The following MAP4K5 variants were observed in gnomAD, a reference collection of about 807,000 sequenced individuals.
MAP4K5 encodes the protein MAPK/ERK kinase kinase kinase 5.
A neutral mutation model predicts 135.6 loss-of-function variants in MAP4K5; 82 were observed. The observed-to-expected ratio is 0.60, with a 90% CI of 0.51 to 0.73. The LOEUF (loss-of-function observed/expected upper bound fraction) is 0.73. Ranked by LOEUF, MAP4K5 falls within the 30% of genes least tolerant of loss-of-function variation. The pLI, the probability that MAP4K5 is intolerant of heterozygous loss-of-function variation, is 0.00. For missense variants in MAP4K5, 907 were observed against 1,010.9 expected (o/e 0.90, Z 1.39); for synonymous variants, 347 against 335.0 (o/e 1.04, Z -0.39).
Position 50,476,249 on chromosome 14 carries a change from A to T in MAP4K5, c.426+10T>A, listed in dbSNP as rs564714463. On this transcript the variant is annotated intron_variant, in intron 7 of 32. Transcript: ENST00000682126. ...AGAATTGGCAATTTAAATGTATTAA[A>T]TGAACTTACTTTGATATCTCTATGC... 2.0e-6 allele frequency: 3 copies of T among 1,503,826 alleles called. No homozygotes were observed. In the African/African-American group the frequency reaches 4.2e-5, roughly 21 times the overall value. The allele number at this position is 1,503,826 out of a possible 1,614,324, so 93.2% of individuals were successfully genotyped here.
intron 2 of MAP4K5, among the ~76,000 whole-genome samples, chr14:50,540,934 T>G (rs2038552687): frequency 6.6e-6 from 1 of 152,246 alleles, no homozygotes; most frequent in African/African-American, 2.4e-5. Context: ...TAACTCCTCT[T>G]GGCTTGTGCA....
At chr14:50,456,456 C>A (rs2036595789) in intron 14 of MAP4K5, 60 bp downstream of exon 14, 1 of 1,205,586 alleles carries the variant, frequency 8.3e-7, no homozygotes, top group South Asian at 1.3e-5. Flanking sequence ...ACAAAACATA[C>A]AAGAACACGC....
At chr14:50,560,148 G>A (rs1461229280) in intron 1 of MAP4K5, 2 of 1,233,726 alleles carry the variant, frequency 1.6e-6, no homozygotes, top group Non-Finnish European at 1.2e-6. Context: ...CATCCTCAGA[G>A]TCTGAGCGAA....
At chr14:50,553,515 A>G (rs1236223255) in intron 1 of MAP4K5, among the ~76,000 whole-genome samples, 1 of 152,190 alleles carries the variant, frequency 6.6e-6, no homozygotes, top group East Asian at 1.9e-4. Flanking sequence ...AATGTAAACT[A>G]GTACAACCAC....
intron 2 of MAP4K5, among the ~76,000 whole-genome samples, chr14:50,509,352 G>C (rs944605887): frequency 2.6e-5 from 4 of 152,088 alleles, no homozygotes; most frequent in Non-Finnish European, 5.9e-5. Context: ...AAATGCAACA[G>C]ATACTAGAGA....
chr14:50,546,418 A>G (rs553743292), intron 1 of MAP4K5, among the ~76,000 whole-genome samples: 1 of 152,138 alleles, frequency 6.6e-6, no homozygotes, highest in African/African-American at 2.4e-5. Flanking sequence ...GTTTATGTTT[A>G]TATGTATGTA....
intron 2 of MAP4K5, among the ~76,000 whole-genome samples, chr14:50,519,499 C>G (rs2038103118): frequency 6.6e-6 from 1 of 151,682 alleles, no homozygotes; most frequent in Non-Finnish European, 1.5e-5. Context: ...TATAAAAATA[C>G]AAAAATTAGT....
At chr14:50,473,716 C>CT (rs398077753) in intron 9 of MAP4K5, among the ~76,000 whole-genome samples, 31,872 of 94,352 alleles carry the variant, frequency 0.34, 6,370 homozygotes, top group East Asian at 0.53. Context: ...TTTGGTTTCA[C>CT]TTTTTTTTTT....
chr14:50,528,825 A>C (rs1463173442), intron 2 of MAP4K5, among the ~76,000 whole-genome samples: 3 of 152,140 alleles, frequency 2.0e-5, no homozygotes, highest in Non-Finnish European at 4.4e-5. Context: ...TACTTCTAAA[A>C]CGTCCTAGGA....
At chr14:50,424,146 A>C (rs2035792835) in intron 31 of MAP4K5, among the ~76,000 whole-genome samples, 1 of 151,104 alleles carries the variant, frequency 6.6e-6, no homozygotes, top group South Asian at 2.1e-4. Context: ...CCACACTAAG[A>C]TATTGTAGAT....
chr14:50,464,620 C>G (rs1032570277), intron 11 of MAP4K5, among the ~76,000 whole-genome samples: 6 of 152,134 alleles, frequency 3.9e-5, no homozygotes, highest in Non-Finnish European at 7.3e-5. Context: ...TTTCTGCCAC[C>G]TTCACTGATG....
In MAP4K5 at chr14:50,464,134, C is replaced by A; in HGVS notation, c.738-1G>T. ...GACAAAATTATGGAATGTTGATGAC[C>A]TTAAAATAAAAAGAGACGTACAAAA... On this transcript the variant is annotated splice_acceptor_variant, in intron 11 of 32. Coordinates refer to ENST00000682126, the MANE Select transcript of MAP4K5 (RefSeq NM_006575.6). LOFTEE classifies it high-confidence loss of function. 6.8e-7 allele frequency: 1 copy of A among 1,469,848 alleles called. No homozygotes were observed. Among genetic ancestry groups the A allele is most frequent in the East Asian group, 2.5e-5 (1 of 40,438 alleles). 91.1% of individuals were successfully genotyped at this position (1,469,848 alleles called of 1,614,324 possible).
intron 2 of MAP4K5, among the ~76,000 whole-genome samples, chr14:50,509,605 G>GA: frequency 6.7e-6 from 1 of 150,122 alleles, no homozygotes; most frequent in East Asian, 2.0e-4. Context: ...TAAACATTTT[G>GA]AAAAAAATTA....
At chr14:50,486,035 C>A in intron 4 of MAP4K5, 69 bp downstream of exon 4, 1 of 662,206 alleles carries the variant, frequency 1.5e-6, no homozygotes, top group Non-Finnish European at 2.6e-6. Context: ...CACTTACATA[C>A]AAGGGAGAGA....
At chr14:50,437,702 A>G (rs2036128102) in intron 25 of MAP4K5, among the ~76,000 whole-genome samples, 168 bp from the exon 26 acceptor site, 1 of 152,172 alleles carries the variant, frequency 6.6e-6, no homozygotes. Flanking sequence ...GACAGTCTGT[A>G]TTATAAAACT....
rs368979470 is a variant in MAP4K5, at chr14:50,552,487, A to C, written c.-180+8553T>G. 3.3e-5 allele frequency among the ~76,000 whole-genome samples: 5 copies of C among 152,290 alleles called. No individual in the cohort carries two copies. The East Asian group carries it at 7.7e-4, about 24-fold the overall frequency. On this transcript the variant is annotated intron_variant, in intron 1 of 8. Transcript: ENST00000555216. ...ATGCAATTCCCATCAAAATACCATC[A>C]TCATTCTTCACAGAACTAGAAAAAT...
At chr14:50,554,386 C>T (rs2038739969) in intron 1 of MAP4K5, among the ~76,000 whole-genome samples, 1 of 152,172 alleles carries the variant, frequency 6.6e-6, no homozygotes, top group African/African-American at 2.4e-5. Flanking sequence ...CTTGTACGCA[C>T]AAGCCATGGC....
At chr14:50,496,279 T>C (rs1407985973) in intron 3 of MAP4K5, among the ~76,000 whole-genome samples, 3 of 151,826 alleles carry the variant, frequency 2.0e-5, no homozygotes, top group Admixed American at 6.6e-5. Flanking sequence ...TGAGCCAAGA[T>C]TGTGCCATTG....
At chr14:50,424,383 T>C (rs1010599632) in intron 31 of MAP4K5, among the ~76,000 whole-genome samples, 5 of 151,868 alleles carry the variant, frequency 3.3e-5, no homozygotes, top group Non-Finnish European at 1.5e-5. Flanking sequence ...AGTTGAAGGA[T>C]GAGAACATAA....
Sources: allele counts gnomAD v4.1 joint callset (sites outside exome capture counted in the v4.1 genomes callset), GRCh38; gene constraint gnomAD v4.1.1; transcripts MANE v1.5; gene names NCBI Gene and HGNC (gene_info 2026-07-23, HGNC 2026-07-21).